Variants in CACNB2 observed in about 807,000 individuals in gnomAD.
The protein encoded by CACNB2 is voltage-dependent L-type calcium channel subunit beta-2.
In CACNB2, 42 loss-of-function variants were observed where a neutral mutation model predicts 73.3. The observed-to-expected ratio is 0.57, with a 90% CI of 0.45 to 0.74. CACNB2 has a LOEUF of 0.74. Ranked by LOEUF, CACNB2 falls within the 30% of genes least tolerant of loss-of-function variation. CACNB2 has a pLI of 0.00. For synonymous variants in CACNB2, 348 were observed against 310.3 expected, an observed-to-expected ratio of 1.12 and a Z score of -1.28; for missense variants, 940 against 853.0, an observed-to-expected ratio of 1.10 and a Z score of -1.27.
intron 2 of CACNB2, among the ~76,000 whole-genome samples, chr10:18,164,777 C>T (rs1039735697): frequency 2.0e-5 from 3 of 152,020 alleles, no homozygotes; most frequent in Non-Finnish European, 2.9e-5. Context: ...TTGGAGGTGT[C>T]TACATTTTAT....
chr10:18,238,744 A>T (rs2036540780), intron 2 of CACNB2, among the ~76,000 whole-genome samples: 1 of 152,246 alleles, frequency 6.6e-6, no homozygotes, highest in Non-Finnish European at 1.5e-5. Context: ...AATAGTAATT[A>T]TAACAGTGCT....
At chr10:18,528,332 G>A (rs1047891159) in intron 10 of CACNB2, among the ~76,000 whole-genome samples, 3 of 152,084 alleles carry the variant, frequency 2.0e-5, no homozygotes, top group East Asian at 1.9e-4. Context: ...GCTTATTAAC[G>A]TATACTGAAT....
chr10:18,404,941 C>T (rs1490339620), intron 3 of CACNB2, among the ~76,000 whole-genome samples: 1 of 152,170 alleles, frequency 6.6e-6, no homozygotes, highest in African/African-American at 2.4e-5. Context: ...ACTGACATGA[C>T]ATTGTTTTTT....
intron 3 of CACNB2, among the ~76,000 whole-genome samples, chr10:18,494,652 A>C (rs949683174): frequency 4.0e-5 from 6 of 151,420 alleles, no homozygotes; most frequent in African/African-American, 1.2e-4. Context: ...AAAAAAAAGA[A>C]AAGAAAAGAA....
chr10:18,144,651 T>G (rs1309580569), intron 1 of CACNB2, among the ~76,000 whole-genome samples: 1 of 152,192 alleles, frequency 6.6e-6, no homozygotes, highest in Non-Finnish European at 1.5e-5. Context: ...GTGCTGTAAA[T>G]GTGAAATACA....
intron 1 of CACNB2, among the ~76,000 whole-genome samples, chr10:18,143,010 A>C (rs1325169996): frequency 6.6e-6 from 1 of 152,252 alleles, no homozygotes; most frequent in African/African-American, 2.4e-5. Flanking sequence ...GTTGGTAAGC[A>C]GTCGTACATG....
intron 2 of CACNB2, among the ~76,000 whole-genome samples, chr10:18,183,112 T>C (rs757063353): frequency 5.9e-5 from 9 of 152,008 alleles, no homozygotes; most frequent in Non-Finnish European, 1.0e-4. Flanking sequence ...TTGATAGTGG[T>C]GGTAACTTTT....
chr10:18,428,467 A>C (rs565766383), intron 3 of CACNB2, among the ~76,000 whole-genome samples: 1 of 152,128 alleles, frequency 6.6e-6, no homozygotes, highest in African/African-American at 2.4e-5. Context: ...CGGGCAGATC[A>C]CTTGAGGCCT....
chr10:18,153,096 A>G (rs533299928), intron 2 of CACNB2, among the ~76,000 whole-genome samples: 1 of 152,330 alleles, frequency 6.6e-6, no homozygotes, highest in Admixed American at 6.5e-5. Flanking sequence ...TAATGTATGT[A>G]GCTTTAAACA....
intron 2 of CACNB2, among the ~76,000 whole-genome samples, chr10:18,321,835 G>A (rs2040408279): frequency 6.6e-6 from 1 of 151,970 alleles, no homozygotes; most frequent in South Asian, 2.1e-4. Context: ...ATTGTTTTTG[G>A]GATTCATGGG....
In CACNB2 at chr10:18,188,900, T is replaced by G. The variant is rs191432129; in HGVS notation, c.213+37925T>G. ...TCATACTATGAAACTTGAACTCACATTAGTACCAGAATAGACTCTGAGAAG... is the reference window on the plus strand; with the variant it reads ...TCATACTATGAAACTTGAACTCACAGTAGTACCAGAATAGACTCTGAGAAG... On this transcript the variant is annotated intron_variant, in intron 2 of 13. Transcript: ENST00000324631. 9.2e-5 allele frequency among the ~76,000 whole-genome samples: 14 copies of G among 152,232 alleles called. No individual in the cohort carries two copies. The South Asian group carries it at 1.9e-3, about 20-fold the overall frequency.
chr10:18,155,871 A>G (rs1023267271), intron 2 of CACNB2, among the ~76,000 whole-genome samples: 1 of 112,426 alleles, frequency 8.9e-6, no homozygotes, highest in African/African-American at 3.3e-5. Context: ...AATGAGAGAG[A>G]GAGGGAGAGA....
At chr10:18,221,458 C>A (rs565649285) in intron 2 of CACNB2, among the ~76,000 whole-genome samples, 2 of 152,300 alleles carry the variant, frequency 1.3e-5, no homozygotes, top group South Asian at 4.1e-4. Flanking sequence ...GCAAGAGGAT[C>A]ACTTGAGGCC....
At chr10:18,500,973 G>A in intron 5 of CACNB2, 25 bp downstream of exon 5, 2 of 1,609,830 alleles carry the variant, frequency 1.2e-6, no homozygotes, top group East Asian at 2.2e-5. Context: ...TCAAGTGTTT[G>A]CATAAAACTT....
At chr10:18,267,479 A>G (rs1198141581) in intron 2 of CACNB2, among the ~76,000 whole-genome samples, 1 of 151,932 alleles carries the variant, frequency 6.6e-6, no homozygotes, top group Non-Finnish European at 1.5e-5. Flanking sequence ...GGTGGCGGGC[A>G]CCTGTAATCC....
At chr10:18,522,087 C>G (rs926630699) in intron 9 of CACNB2, among the ~76,000 whole-genome samples, 5 of 152,072 alleles carry the variant, frequency 3.3e-5, no homozygotes, top group African/African-American at 1.2e-4. Context: ...AGCACAAACT[C>G]TACTGTGAAC....
At chr10:18,535,005 C>A (rs1283374522) in intron 11 of CACNB2, among the ~76,000 whole-genome samples, 1 of 152,168 alleles carries the variant, frequency 6.6e-6, no homozygotes, top group Non-Finnish European at 1.5e-5. Flanking sequence ...AACTTGTATG[C>A]ATCTCTGAGA....
intron 2 of CACNB2, among the ~76,000 whole-genome samples, chr10:18,391,434 G>A (rs1176834669): frequency 6.6e-6 from 1 of 151,906 alleles, no homozygotes; most frequent in South Asian, 2.1e-4. Flanking sequence ...GAGAGAAGAG[G>A]TTTTCTCTCT....
chr10:18,185,128 C>CCA (rs2131236368), intron 2 of CACNB2, among the ~76,000 whole-genome samples: 1 of 152,164 alleles, frequency 6.6e-6, no homozygotes, highest in Admixed American at 6.5e-5. Flanking sequence ...GCGTGAGCCA[C>CCA]CACACGCACT....
Sources: gnomAD v4.1 joint callset for allele counts (sites outside exome capture counted in the v4.1 genomes callset) on GRCh38, gnomAD v4.1.1 for gene constraint, MANE v1.5 for transcripts, NCBI Gene and HGNC (gene_info 2026-07-23, HGNC 2026-07-21) for gene names.